MC2R: variants seen among roughly 807,000 people sequenced by gnomAD.
MC2R encodes melanocortin 2 receptor.
In MC2R, 9 loss-of-function variants were observed where a neutral mutation model predicts 9.8. The observed-to-expected ratio is 0.92, with a 90% CI of 0.55 to 1.60. The LOEUF is 1.60. MC2R is among the 40% of genes most tolerant of loss of function. The pLI is 0.00. For missense variants in MC2R, 370 were observed against 389.0 expected, an observed-to-expected ratio of 0.95 and a Z score of 0.41; for synonymous variants, 185 against 154.7, an observed-to-expected ratio of 1.20 and a Z score of -1.45.
Position 13,885,615 on chromosome 18 carries a change from G to A in MC2R, c.-97C>T. ...GGATCTTTTCTTCCTTGTAGCACTT[G>A]CTGGAGATCTAAGTTAAAATCTCCC... On this transcript the variant is annotated 5_prime_UTR_variant, in exon 2 of 2. Coordinates refer to ENST00000327606, the MANE Select transcript of MC2R (RefSeq NM_000529.2). The A allele has an allele frequency of 7.4e-7, 1 of 1,352,920 alleles. No homozygotes were observed. The highest frequency in any genetic ancestry group is 1.2e-5 in the South Asian group (1 of 81,036). The allele number at this position is 1,352,920 out of a possible 1,614,324, so 83.8% of individuals were successfully genotyped here.
intron 1 of MC2R, among the ~76,000 whole-genome samples, chr18:13,910,420 G>C (rs1598469680): frequency 1.3e-5 from 2 of 152,140 alleles, no homozygotes; most frequent in Admixed American, 1.3e-4. Context: ...GGCTCTTCAA[G>C]CTCATCTGCT....
chr18:13,914,645 T>C (rs1156775720), intron 1 of MC2R, among the ~76,000 whole-genome samples: 1 of 152,128 alleles, frequency 6.6e-6, no homozygotes, highest in African/African-American at 2.4e-5. Context: ...CGTGTATGTG[T>C]GTATATGTGT....
chr18:13,901,926 C>CA (rs1404444372), intron 1 of MC2R, among the ~76,000 whole-genome samples: 1 of 151,914 alleles, frequency 6.6e-6, no homozygotes, highest in Admixed American at 6.6e-5. Flanking sequence ...AAAGACACAT[C>CA]AAAAAAAGAA....
intron 1 of MC2R, among the ~76,000 whole-genome samples, chr18:13,896,120 C>T (rs1275507983): frequency 6.6e-6 from 1 of 152,094 alleles, no homozygotes; most frequent in Non-Finnish European, 1.5e-5. Flanking sequence ...ATCTATGAGG[C>T]ACACAGGATA....
Position 13,885,078 on chromosome 18 carries a change from A to G in MC2R, c.441T>C (p.Thr147=). The change falls in exon 2 of 2, where the codon ACT becomes ACC. Residue 147 remains threonine (T), a synonymous_variant. Coordinates refer to ENST00000327606, the MANE Select transcript of MC2R (RefSeq NM_000529.2). Reference sequence around the variant, plus strand: ...TCCAGATGACCGTAAGCACCACCACAGTGCGGCGCATGGTCACGATGCTGT... The same window carrying G: ...TCCAGATGACCGTAAGCACCACCACGGTGCGGCGCATGGTCACGATGCTGT... ...RYHSIVTMRR[T]VVVLTVIWTF... 6.2e-7 allele frequency: 1 copy of G among 1,614,190 alleles called. No individual in the cohort carries two copies. The highest frequency in any genetic ancestry group is 8.5e-7 in the Non-Finnish European group (1 of 1,180,032).
chr18:13,886,825 A>C (rs557916997), intron 1 of MC2R, among the ~76,000 whole-genome samples: 5 of 152,246 alleles, frequency 3.3e-5, no homozygotes, highest in African/African-American at 1.2e-4. Flanking sequence ...CTATGATCTG[A>C]AGTCCACGGG....
intron 1 of MC2R, among the ~76,000 whole-genome samples, chr18:13,907,698 C>G (rs2045421500): frequency 6.6e-6 from 1 of 152,066 alleles, no homozygotes; most frequent in Non-Finnish European, 1.5e-5. Flanking sequence ...AACAAATAAT[C>G]CAATTTAAAA....
chr18:13,889,925 G>T (rs1247697927), intron 1 of MC2R, among the ~76,000 whole-genome samples: 1 of 152,128 alleles, frequency 6.6e-6, no homozygotes, highest in Non-Finnish European at 1.5e-5. Flanking sequence ...CCGGTCTAAA[G>T]TCCCACAGGC....
rs777203436 is a variant in MC2R at position 13,884,696 on chromosome 18, T to A, written c.823A>T (p.Ile275Leu). 1 of 1,614,016 alleles carries A rather than the reference T, an allele frequency of 6.2e-7. No individual in the cohort carries two copies. Among genetic ancestry groups the A allele is most frequent in the African/African-American group, 1.3e-5 (1 of 74,918 alleles). Residue 275 changes from isoleucine to leucine, a missense_variant, in exon 2 of 2, where the codon ATA (isoleucine) becomes TTA (leucine). Ile to Leu is a conservative substitution (Grantham distance 5, BLOSUM62 2). Coordinates refer to ENST00000327606, the MANE Select transcript of MC2R (RefSeq NM_000529.2). The stretch of plus-strand genomic sequence containing the variant: ...AGCTCTGGGCTCCGGAAGGCATATA[T>A]GAAGGGGTCAATGACGGCATTGCAC... ...IMCNAVIDPF[I>L]YAFRSPELRD...
At chr18:13,890,655 A>G (rs1217094042) in intron 1 of MC2R, among the ~76,000 whole-genome samples, 1 of 151,906 alleles carries the variant, frequency 6.6e-6, no homozygotes, top group South Asian at 2.1e-4. Flanking sequence ...TAAGATTTTT[A>G]TGTCACTCGT....
intron 1 of MC2R, among the ~76,000 whole-genome samples, chr18:13,888,395 T>C (rs1027495664): frequency 1.3e-5 from 2 of 152,194 alleles, no homozygotes; most frequent in Non-Finnish European, 2.9e-5. Flanking sequence ...GTGACACGAA[T>C]TGGTGGCCTT....
At chr18:13,891,882 G>C (rs1163145153) in intron 1 of MC2R, among the ~76,000 whole-genome samples, 1 of 152,194 alleles carries the variant, frequency 6.6e-6, no homozygotes, top group Non-Finnish European at 1.5e-5. Context: ...TTACTGATTA[G>C]TGCTTCTATT....
Position 13,885,144 on chromosome 18 carries a change from A to C in MC2R, c.375T>G (p.Ala125=). 1 of 1,614,202 alleles carries C rather than the reference A, an allele frequency of 6.2e-7. No homozygotes were observed. The highest frequency in any genetic ancestry group is 1.1e-5 in the South Asian group (1 of 91,080). ...GGAAGATGGTGATGTAGCGGTCCGC[A>C]GCAATCACAGACAGGCTGAAGATGG... ...LGSIFSLSVI[A]ADRYITIFHA... The change falls in exon 2 of 2, where the codon GCT becomes GCG. Residue 125 remains alanine, a synonymous_variant. Transcript: ENST00000327606.
intron 1 of MC2R, among the ~76,000 whole-genome samples, chr18:13,904,949 G>A (rs1388633627): frequency 1.3e-5 from 2 of 152,094 alleles, no homozygotes; most frequent in East Asian, 3.9e-4. Context: ...AGAAAACCTA[G>A]GCAATACCAT....
chr18:13,903,384 T>C (rs551140456), intron 1 of MC2R, among the ~76,000 whole-genome samples: 20 of 152,312 alleles, frequency 1.3e-4, no homozygotes, highest in African/African-American at 4.1e-4. Context: ...TGAAGAGGTA[T>C]CTCCACTCCT....
chr18:13,888,112 T>TA (rs11317710), intron 1 of MC2R, among the ~76,000 whole-genome samples: 11,056 of 147,900 alleles, frequency 0.075, 543 homozygotes, highest in East Asian at 0.18. Flanking sequence ...GTAAAATTCA[T>TA]AAAAAAAAAA....
intron 1 of MC2R, among the ~76,000 whole-genome samples, chr18:13,904,623 GC>G (rs2045401866): frequency 6.6e-6 from 1 of 151,548 alleles, no homozygotes; most frequent in African/African-American, 2.4e-5. Context: ...ATACTACAAG[GC>G]TACAGTAACC....
intron 1 of MC2R, among the ~76,000 whole-genome samples, chr18:13,909,706 C>G (rs2149143772): frequency 6.6e-6 from 1 of 152,320 alleles, no homozygotes; most frequent in East Asian, 1.9e-4. Flanking sequence ...CAGTTGGCAC[C>G]TGTGTCCTGT....
At position 13,883,119 on chromosome 18, in the gene MC2R, C is replaced by G. The variant is rs2045243558; in HGVS notation, c.*1506G>C. On this transcript the variant is annotated 3_prime_UTR_variant, in exon 2 of 2. Coordinates refer to ENST00000327606, the MANE Select transcript of MC2R (RefSeq NM_000529.2). The stretch of plus-strand genomic sequence containing the variant: ...GTCCTGTGTGTGGCTGTCTTCTCCC[C>G]TCAGCAGCTCTGGGAAATTCTCCTG... 1 of 152,288 alleles carries G rather than the reference C, an allele frequency of 6.6e-6. No homozygotes were observed. Among genetic ancestry groups the G allele is most frequent in the Non-Finnish European group, 1.5e-5 (1 of 68,110 alleles). The allele number at this position is 152,288 out of a possible 1,614,324, so 9.4% of individuals were successfully genotyped here. A position where few individuals can be genotyped will look rare whatever the true frequency, so the allele number is the denominator to read the frequency against.
Sources: gnomAD v4.1 joint callset for allele counts (sites outside exome capture counted in the v4.1 genomes callset) on GRCh38, gnomAD v4.1.1 for gene constraint, MANE v1.5 for transcripts, NCBI Gene and HGNC (gene_info 2026-07-23, HGNC 2026-07-21) for gene names.